CSMD1: variants seen among roughly 807,000 people sequenced by gnomAD.
CSMD1 encodes CUB and Sushi multiple domains 1, also known as CUB and sushi domain-containing protein 1.
Under a neutral mutation model 417.5 loss-of-function variants are expected in CSMD1, and 213 were observed. That is an observed-to-expected ratio of 0.51 (90% CI 0.46 to 0.57). The LOEUF is 0.57. CSMD1 is among the 20% of genes least tolerant of loss of function. CSMD1 has a pLI of 0.00. For synonymous variants in CSMD1, 2,862 were observed against 1,736.8 expected, an observed-to-expected ratio of 1.65 and a Z score of -16.11; for missense variants, 6,923 against 4,529.7, an observed-to-expected ratio of 1.53 and a Z score of -15.17.
chr8:4,388,142 T>A (rs1315339819), intron 3 of CSMD1, among the ~76,000 whole-genome samples: 1 of 152,144 alleles, frequency 6.6e-6, no homozygotes, highest in African/African-American at 2.4e-5. Context: ...TTTAAAAACT[T>A]ACTTCTACCA....
intron 3 of CSMD1, among the ~76,000 whole-genome samples, chr8:4,410,865 T>A (rs1321224072): frequency 6.6e-6 from 1 of 152,120 alleles, no homozygotes; most frequent in East Asian, 1.9e-4. Context: ...GTGTAATAAG[T>A]TTGGAAGGAG....
intron 2 of CSMD1, among the ~76,000 whole-genome samples, chr8:4,588,570 G>C (rs570981309): frequency 6.6e-6 from 1 of 151,802 alleles, no homozygotes; most frequent in African/African-American, 2.4e-5. Context: ...CGAGTCTGGC[G>C]GATCAGCAGA....
intron 57 of CSMD1, among the ~76,000 whole-genome samples, chr8:2,969,050 T>A (rs1222306623): frequency 6.6e-6 from 1 of 152,170 alleles, no homozygotes; most frequent in Non-Finnish European, 1.5e-5. Context: ...GATGTGAATA[T>A]CTGCTCATGC....
rs1054107264 is a variant in CSMD1, at chr8:3,108,507, C to A, written c.6754+96G>T. The A allele has an allele frequency of 3.7e-5, 49 of 1,317,558 alleles. No individual in the cohort carries two copies. The Admixed American group carries it at 1.1e-3, about 29-fold the overall frequency. The allele number at this position is 1,317,558 out of a possible 1,614,324, so 81.6% of individuals were successfully genotyped here. On this transcript the variant is annotated intron_variant, in intron 44 of 69. Transcript: ENST00000635120. ...GAATCATACACGCCCTCGGCTGAATCAAGAAACTTCAGCTGGAAACAAGGC... is the reference window on the plus strand; with the variant it reads ...GAATCATACACGCCCTCGGCTGAATAAAGAAACTTCAGCTGGAAACAAGGC...
intron 3 of CSMD1, among the ~76,000 whole-genome samples, chr8:4,160,826 A>C (rs1207104010): frequency 6.6e-6 from 1 of 152,264 alleles, no homozygotes; most frequent in Non-Finnish European, 1.5e-5. Flanking sequence ...GAAAAGAAGA[A>C]GAAAAGGAAC....
intron 52 of CSMD1, among the ~76,000 whole-genome samples, chr8:3,017,087 C>T (rs646255): frequency 1.2e-4 from 19 of 152,108 alleles, no homozygotes; most frequent in Admixed American, 6.5e-4. Flanking sequence ...GATGAGATTA[C>T]GGATGTTTGT....
At chr8:4,297,579 T>C (rs1797755275) in intron 3 of CSMD1, among the ~76,000 whole-genome samples, 2 of 152,192 alleles carry the variant, frequency 1.3e-5, no homozygotes, top group African/African-American at 2.4e-5. Context: ...ATTTTAATTT[T>C]AGATGTTTAA....
intron 1 of CSMD1, among the ~76,000 whole-genome samples, chr8:4,644,500 A>C (rs1262683139): frequency 6.6e-6 from 1 of 152,058 alleles, no homozygotes; most frequent in African/African-American, 2.4e-5. Context: ...TCCACCTCCC[A>C]GGTTCAAGTG....
At chr8:4,243,568 TA>T (rs1802529055) in intron 3 of CSMD1, among the ~76,000 whole-genome samples, 1 of 152,140 alleles carries the variant, frequency 6.6e-6, no homozygotes, top group Non-Finnish European at 1.5e-5. Context: ...AGCATATGAG[TA>T]AATAAGTTAT....
intron 1 of CSMD1, among the ~76,000 whole-genome samples, chr8:4,856,093 G>C (rs552449323): frequency 1.3e-5 from 2 of 152,272 alleles, no homozygotes; most frequent in South Asian, 2.1e-4. Flanking sequence ...AGCCAGAAGA[G>C]AGTGGGGGCC....
intron 1 of CSMD1, among the ~76,000 whole-genome samples, chr8:4,949,939 C>T (rs1808627905): frequency 6.6e-6 from 1 of 151,882 alleles, no homozygotes; most frequent in South Asian, 2.1e-4. Flanking sequence ...TGTATTCTAT[C>T]TACATTGCAA....
intron 2 of CSMD1, among the ~76,000 whole-genome samples, chr8:4,628,263 A>G (rs559272030): frequency 6.6e-6 from 1 of 151,466 alleles, no homozygotes; most frequent in Non-Finnish European, 1.5e-5. Flanking sequence ...TTGGTCTTTC[A>G]TACCTCTTGT....
At chr8:3,731,437 A>G (rs190329294) in intron 6 of CSMD1, among the ~76,000 whole-genome samples, 2 of 152,208 alleles carry the variant, frequency 1.3e-5, no homozygotes, top group South Asian at 2.1e-4. Flanking sequence ...CATGGTCATG[A>G]TAATGACTAC....
intron 12 of CSMD1, among the ~76,000 whole-genome samples, chr8:3,449,007 C>G (rs926547962): frequency 1.3e-5 from 2 of 152,118 alleles, no homozygotes; most frequent in African/African-American, 4.8e-5. Context: ...AGAAATCAAA[C>G]ACGTATTAGT....
chr8:4,755,694 T>C (rs1414638447), intron 1 of CSMD1, among the ~76,000 whole-genome samples: 1 of 152,210 alleles, frequency 6.6e-6, no homozygotes, highest in Non-Finnish European at 1.5e-5. Context: ...GCAGTTAAAG[T>C]TTCACACAAT....
At chr8:3,332,815 T>C (rs923999613) in intron 23 of CSMD1, among the ~76,000 whole-genome samples, 25 of 152,182 alleles carry the variant, frequency 1.6e-4, no homozygotes, top group Non-Finnish European at 2.8e-4. Flanking sequence ...GCTCCAACCC[T>C]GGATGTATGA....
intron 1 of CSMD1, among the ~76,000 whole-genome samples, chr8:4,907,673 G>C (rs1805388222): frequency 6.6e-6 from 1 of 151,462 alleles, no homozygotes; most frequent in Admixed American, 6.6e-5. Context: ...GATCCTCCTA[G>C]TCAACTACTA....
intron 5 of CSMD1, among the ~76,000 whole-genome samples, chr8:3,852,883 G>A (rs1019963794): frequency 4.6e-5 from 7 of 152,094 alleles, no homozygotes; most frequent in African/African-American, 1.2e-4. Flanking sequence ...ATCCACGCAG[G>A]TTCCTATTTC....
At chr8:4,863,946 AAT>A (rs1003389417) in intron 1 of CSMD1, among the ~76,000 whole-genome samples, 20 of 78,582 alleles carry the variant, frequency 2.5e-4, no homozygotes, top group Non-Finnish European at 4.5e-4. Context: ...TAAATCCTAA[AAT>A]AAATGTCAAG....
Sources: allele counts gnomAD v4.1 joint callset (sites outside exome capture counted in the v4.1 genomes callset), GRCh38; gene constraint gnomAD v4.1.1; transcripts MANE v1.5; gene names NCBI Gene and HGNC (gene_info 2026-07-23, HGNC 2026-07-21).